Variants in AIG1 observed in about 807,000 individuals in gnomAD.
AIG1 encodes androgen induced 1.
A neutral mutation model predicts 31.4 loss-of-function variants in AIG1; 23 were observed. That is an observed-to-expected ratio of 0.73 (90% CI 0.53 to 1.04). The LOEUF is 1.04. Ranked by LOEUF, AIG1 falls within the 50% of genes least tolerant of loss-of-function variation. The pLI, the probability that AIG1 is intolerant of heterozygous loss-of-function variation, is 0.00. For synonymous variants in AIG1, 100 were observed against 110.5 expected (o/e 0.90, Z 0.60); for missense variants, 274 against 295.0 (o/e 0.93, Z 0.52).
intron 3 of AIG1, among the ~76,000 whole-genome samples, chr6:143,207,704 G>A (rs1242427595): frequency 1.3e-5 from 2 of 152,106 alleles, no homozygotes; most frequent in Non-Finnish European, 1.5e-5. Flanking sequence ...CCTGATCTCA[G>A]AATCCAAATG....
chr6:143,273,633 C>T (rs919352148), intron 3 of AIG1, among the ~76,000 whole-genome samples: 4 of 152,112 alleles, frequency 2.6e-5, no homozygotes, highest in Admixed American at 6.5e-5. Context: ...CACGTGACTG[C>T]GGAGGCCTCA....
At chr6:143,112,836 A>T (rs760517262) in intron 1 of AIG1, among the ~76,000 whole-genome samples, 8 of 152,204 alleles carry the variant, frequency 5.3e-5, no homozygotes, top group Admixed American at 1.3e-4. Context: ...TGCATGGGAG[A>T]TAAAATATTA....
intron 1 of AIG1, among the ~76,000 whole-genome samples, chr6:143,123,269 A>T (rs1782394462): frequency 6.6e-6 from 1 of 152,190 alleles, no homozygotes; most frequent in Admixed American, 6.5e-5. Flanking sequence ...TGTTGAAATA[A>T]AAACTCTACC....
chr6:143,196,969 A>C (rs911232378), intron 3 of AIG1, among the ~76,000 whole-genome samples: 4 of 152,230 alleles, frequency 2.6e-5, no homozygotes, highest in African/African-American at 9.6e-5. Flanking sequence ...CATTATAGTG[A>C]AACATAATAG....
chr6:143,143,529 A>AAAAAAAATATATATATG (rs1784448326), intron 2 of AIG1, among the ~76,000 whole-genome samples: 1 of 29,426 alleles, frequency 3.4e-5, no homozygotes. Flanking sequence ...AAAAAAAAAA[A>AAAAAAAATATATATATG]TATATATATA....
intron 1 of AIG1, among the ~76,000 whole-genome samples, chr6:143,070,306 A>G (rs9496509): frequency 0.013 from 2,007 of 152,338 alleles, 47 homozygotes; most frequent in African/African-American, 0.046. Flanking sequence ...ACCCATGAAC[A>G]TGACATATCT....
At chr6:143,190,929 T>C (rs2128596903) in intron 3 of AIG1, among the ~76,000 whole-genome samples, 1 of 152,320 alleles carries the variant, frequency 6.6e-6, no homozygotes, top group South Asian at 2.1e-4. Flanking sequence ...TCGGGTCTCA[T>C]ACTCAGAGGT....
intron 1 of AIG1, among the ~76,000 whole-genome samples, chr6:143,097,088 C>T (rs1779861954): frequency 6.6e-6 from 1 of 151,850 alleles, no homozygotes; most frequent in African/African-American, 2.4e-5. Flanking sequence ...CATTAGTGAC[C>T]TTAGGCACAA....
At chr6:143,131,338 C>A (rs1250199675) in intron 1 of AIG1, among the ~76,000 whole-genome samples, 2 of 151,928 alleles carry the variant, frequency 1.3e-5, no homozygotes, top group African/African-American at 4.8e-5. Context: ...TTTAAATGGC[C>A]CCCAGAGATG....
intron 3 of AIG1, among the ~76,000 whole-genome samples, chr6:143,214,967 A>G (rs1206818876): frequency 2.6e-5 from 4 of 151,894 alleles, no homozygotes; most frequent in Non-Finnish European, 5.9e-5. Context: ...GGTGTGGGAA[A>G]TTTCCCACCC....
intron 3 of AIG1, among the ~76,000 whole-genome samples, chr6:143,237,873 A>C (rs2128636412): frequency 6.6e-6 from 1 of 152,342 alleles, no homozygotes; most frequent in East Asian, 1.9e-4. Flanking sequence ...AAGAAGTCAA[A>C]GGGTAAGTGT....
intron 1 of AIG1, among the ~76,000 whole-genome samples, chr6:143,124,036 C>T (rs185819993): frequency 1.1e-3 from 161 of 152,308 alleles, no homozygotes; most frequent in African/African-American, 3.6e-3. Context: ...AATGATTCTT[C>T]TGCAGTTCAT....
Position 143,331,209 on chromosome 6 carries a change from AT to A in AIG1, c.516-2070del, listed in dbSNP as rs1252279630. On this transcript the variant is annotated intron_variant, in intron 4 of 5. Coordinates refer to ENST00000357847, the MANE Select transcript of AIG1 (RefSeq NM_016108.4). This position sits in a 1 kb window ranked among gnomAD's most constrained non-coding sequence, Gnocchi z 4.1. ...TGTGCTAAAATATACATAACATAAT[AT>A]TTGTCATTTTAGCTATTTGCAAGTA... is the stretch of plus-strand genomic sequence containing the variant. 6.6e-6 allele frequency among the ~76,000 whole-genome samples: 1 copy of A among 151,848 alleles called. No homozygotes were observed. Among genetic ancestry groups the A allele is most frequent in the African/African-American group, 2.4e-5 (1 of 41,314 alleles).
Position 143,292,702 on chromosome 6 carries a change from T to C in AIG1, c.515+8477T>C, listed in dbSNP as rs1798137473. Among the ~76,000 whole-genome samples, 1 of 152,162 alleles carries C rather than the reference T, an allele frequency of 6.6e-6. No homozygotes were observed. Among genetic ancestry groups the C allele is most frequent in the East Asian group, 1.9e-4 (1 of 5,194 alleles). On this transcript the variant is annotated intron_variant, in intron 4 of 5. Coordinates refer to ENST00000357847, the MANE Select transcript of AIG1 (RefSeq NM_016108.4). This position sits in a 1 kb window ranked among gnomAD's most constrained non-coding sequence, Gnocchi z 4.9. ...AGAAAAAAACGAATACTTGAACAAATCACTTAATCTCTATGGGCCTCAATT... is the reference window on the plus strand; with the variant it reads ...AGAAAAAAACGAATACTTGAACAAACCACTTAATCTCTATGGGCCTCAATT...
chr6:143,153,253 A>C (rs1785416946), intron 2 of AIG1, among the ~76,000 whole-genome samples: 2 of 152,236 alleles, frequency 1.3e-5, no homozygotes, highest in African/African-American at 4.8e-5. Flanking sequence ...ATTCTAAGTC[A>C]CTGCTACTTC....
At position 143,270,246 on chromosome 6, in the gene AIG1, G is replaced by A. The variant is rs1043429382; in HGVS notation, c.400-13864G>A. Among the ~76,000 whole-genome samples the A allele has an allele frequency of 6.6e-5, 10 of 152,242 alleles. No homozygotes were observed. The East Asian group carries it at 1.9e-3, about 29-fold the overall frequency. On this transcript the variant is annotated intron_variant, in intron 3 of 5. Coordinates refer to ENST00000357847, the MANE Select transcript of AIG1 (RefSeq NM_016108.4). Reference sequence around the variant, plus strand: ...TCCCACACTTAGCAGAGCCAATGTGGTCACTAGAGTCTCCATTCATCTGAG... The same window carrying A: ...TCCCACACTTAGCAGAGCCAATGTGATCACTAGAGTCTCCATTCATCTGAG...
At chr6:143,296,053 A>G (rs766782585) in intron 4 of AIG1, among the ~76,000 whole-genome samples, 1 of 152,040 alleles carries the variant, frequency 6.6e-6, no homozygotes, top group Non-Finnish European at 1.5e-5. Flanking sequence ...AATATATATT[A>G]CACATACACA....
chr6:143,330,469 G>T lies in AIG1; in HGVS notation c.516-2813G>T, dbSNP rs559856273. ...TAATACAAAAGCCTGGAGGCAGAGA[G>T]AGCTTAGAGTGTTCGAGGAACACCA... On this transcript the variant is annotated intron_variant, in intron 4 of 5. Coordinates refer to ENST00000357847, the MANE Select transcript of AIG1 (RefSeq NM_016108.4). This position sits in a 1 kb window ranked among gnomAD's most constrained non-coding sequence, Gnocchi z 4.4. 2.7e-3 allele frequency among the ~76,000 whole-genome samples: 417 copies of T among 152,268 alleles called. 1 individual carries two copies. Among genetic ancestry groups the T allele is most frequent in the African/African-American group, 9.7e-3 (402 of 41,576 alleles).
At chr6:143,307,797 C>G (rs1234876462) in intron 4 of AIG1, among the ~76,000 whole-genome samples, 1 of 152,202 alleles carries the variant, frequency 6.6e-6, no homozygotes, top group Non-Finnish European at 1.5e-5. Context: ...TGTGCCCTGC[C>G]CCCAGAGGTG....
Sources: allele counts gnomAD v4.1 joint callset (sites outside exome capture counted in the v4.1 genomes callset), GRCh38; gene constraint gnomAD v4.1.1; non-coding constraint Gnocchi (gnomAD v3.1); transcripts MANE v1.5; gene names NCBI Gene and HGNC (gene_info 2026-07-23, HGNC 2026-07-21).